Variants in KCNQ1 observed in about 807,000 individuals in gnomAD.
KCNQ1 encodes potassium voltage-gated channel subfamily Q member 1.
Under a neutral mutation model 72.4 loss-of-function variants are expected in KCNQ1, and 49 were observed. The observed-to-expected ratio is 0.68, with a 90% CI of 0.54 to 0.86. The LOEUF (loss-of-function observed/expected upper bound fraction) is 0.86, where lower values mean the gene tolerates loss of function less well. Ranked by LOEUF, KCNQ1 falls within the 40% of genes least tolerant of loss-of-function variation. The pLI, the probability that KCNQ1 is intolerant of heterozygous loss-of-function variation, is 0.00. For missense variants in KCNQ1, 790 were observed against 945.1 expected, an observed-to-expected ratio of 0.84 and a Z score of 2.15; for synonymous variants, 450 against 412.6, an observed-to-expected ratio of 1.09 and a Z score of -1.10.
chr11:2,549,840 C>T lies in KCNQ1; in HGVS notation c.478-20788C>T, dbSNP rs1847956140. Among the ~76,000 whole-genome samples the T allele has an allele frequency of 6.6e-6, 1 of 152,124 alleles. No homozygotes were observed. Among genetic ancestry groups the T allele is most frequent in the Non-Finnish European group, 1.5e-5 (1 of 68,002 alleles). On this transcript the variant is annotated intron_variant, in intron 2 of 15. Coordinates refer to ENST00000155840, the MANE Select transcript of KCNQ1 (RefSeq NM_000218.3). The surrounding 1 kb of genome is among the most constrained non-coding windows in gnomAD (Gnocchi z 6.2). Reference sequence around the variant, plus strand: ...TGACTGGCCCTGGGTGGCGGAGAGACCCCTGGGCAGGACACCCCTCCCTGG... The same window carrying T: ...TGACTGGCCCTGGGTGGCGGAGAGATCCCTGGGCAGGACACCCCTCCCTGG...
Position 2,627,055 on chromosome 11 carries a change from A to G in KCNQ1, c.1394-34906A>G. On this transcript the variant is annotated intron_variant, in intron 10 of 15. Transcript: ENST00000155840. The surrounding 1 kb of genome is among the most constrained non-coding windows in gnomAD (Gnocchi z 4.9). ...AATATTGGCCTTCCAATCCATGAAC[A>G]TAGGAGGTGTTTTCCCTTTATGTCT... 2.5e-6 allele frequency: 1 copy of G among 398,550 alleles called. No homozygotes were observed. Among genetic ancestry groups the G allele is most frequent in the Non-Finnish European group, 4.4e-6 (1 of 226,052 alleles). 24.7% of individuals were successfully genotyped at this position (398,550 alleles called of 1,614,324 possible). A position where few individuals can be genotyped will look rare whatever the true frequency, so the allele number is the denominator to read the frequency against.
At chr11:2,760,523 C>G (rs893300400) in intron 11 of KCNQ1, among the ~76,000 whole-genome samples, 1 of 152,228 alleles carries the variant, frequency 6.6e-6, no homozygotes, top group African/African-American at 2.4e-5. Context: ...CACGTCCCTT[C>G]CTCCTCTCCC....
Position 2,559,707 on chromosome 11 carries a change from T to A in KCNQ1, c.478-10921T>A, listed in dbSNP as rs144009502. Among the ~76,000 whole-genome samples the A allele has an allele frequency of 2.6e-3, 392 of 152,006 alleles. 3 individuals are homozygous for A. The highest frequency in any genetic ancestry group is 9.0e-3 in the African/African-American group (374 of 41,440). On this transcript the variant is annotated intron_variant, in intron 2 of 15. Transcript: ENST00000155840. The surrounding 1 kb of genome is among the most constrained non-coding windows in gnomAD (Gnocchi z 4.9). ...GAAAGCGGCCTCGTGCCTCCCAGAG[T>A]CACCCCGAAATCATTAACGGGGAGA... is the stretch of plus-strand genomic sequence containing the variant.
At chr11:2,610,171 T>C in intron 10 of KCNQ1, 1 of 397,978 alleles carries the variant, frequency 2.5e-6, no homozygotes, top group Non-Finnish European at 4.4e-6. Context: ...TTCAATATTC[T>C]ATTTGTTATT....
At chr11:2,476,596 A>T (rs924317270) in intron 1 of KCNQ1, among the ~76,000 whole-genome samples, 3 of 152,202 alleles carry the variant, frequency 2.0e-5, no homozygotes, top group African/African-American at 7.2e-5. Flanking sequence ...TGAGGAAAAC[A>T]ATATATATCT....
rs965183143 is a variant in KCNQ1, at chr11:2,599,460, A to G, written c.1393+10606A>G. 1.3e-5 allele frequency among the ~76,000 whole-genome samples: 2 copies of G among 152,126 alleles called. No homozygotes were observed. Among genetic ancestry groups the G allele is most frequent in the African/African-American group, 2.4e-5 (1 of 41,418 alleles). On this transcript the variant is annotated intron_variant, in intron 10 of 15. Transcript: ENST00000155840. The surrounding 1 kb of genome is among the most constrained non-coding windows in gnomAD (Gnocchi z 4.7). ...TCTGTGATGTTCTCTATCGCTTAAAATTCATTTTGTTCAAGAACATAGGTT... is the reference window on the plus strand; with the variant it reads ...TCTGTGATGTTCTCTATCGCTTAAAGTTCATTTTGTTCAAGAACATAGGTT...
At chr11:2,843,168 G>A (rs1848249208) in intron 15 of KCNQ1, among the ~76,000 whole-genome samples, 1 of 152,192 alleles carries the variant, frequency 6.6e-6, no homozygotes, top group Admixed American at 6.5e-5. Flanking sequence ...GAGAAACACG[G>A]TCGACTTTTG....
chr11:2,830,262 G>A lies in KCNQ1; in HGVS notation c.1795-17505G>A, dbSNP rs915483557. On this transcript the variant is annotated intron_variant, in intron 15 of 15. Transcript: ENST00000155840. This position sits in a 1 kb window ranked among gnomAD's most constrained non-coding sequence, Gnocchi z 7.7. ...TGGGGCTGGGGCTGTGCAGGATAAG[G>A]CCAGTGAGAGAAGAGGACTCACTGG... 1.3e-5 allele frequency among the ~76,000 whole-genome samples: 2 copies of A among 152,142 alleles called. No individual in the cohort carries two copies. The highest frequency in any genetic ancestry group is 4.1e-4 in the South Asian group (2 of 4,822).
rs1388270554 is a variant in KCNQ1 at position 2,565,205 on chromosome 11, C to T, written c.478-5423C>T. Among the ~76,000 whole-genome samples, 2 of 152,210 alleles carry T rather than the reference C, an allele frequency of 1.3e-5. No individual in the cohort carries two copies. The highest frequency in any genetic ancestry group is 2.9e-5 in the Non-Finnish European group (2 of 68,042). The stretch of plus-strand genomic sequence containing the variant: ...AGCAAAATCGAGCGGCTGGTCATTT[C>T]ACGCTTTAAAGGAGCTGTGGCATTC... On this transcript the variant is annotated intron_variant, in intron 2 of 15. Transcript: ENST00000155840. The surrounding 1 kb of genome is among the most constrained non-coding windows in gnomAD (Gnocchi z 5.6).
In KCNQ1 at chr11:2,663,613, G is replaced by A. The variant is rs531471524; in HGVS notation, c.1514+1532G>A. 18 of 398,626 alleles carry A rather than the reference G, an allele frequency of 4.5e-5. No homozygotes were observed. Among genetic ancestry groups the A allele is most frequent in the South Asian group, 2.6e-4 (2 of 7,802 alleles). 24.7% of individuals were successfully genotyped at this position (398,626 alleles called of 1,614,324 possible). A position where few individuals can be genotyped will look rare whatever the true frequency, so the allele number is the denominator to read the frequency against. On this transcript the variant is annotated intron_variant, in intron 11 of 15. Coordinates refer to ENST00000155840, the MANE Select transcript of KCNQ1 (RefSeq NM_000218.3). The surrounding 1 kb of genome is among the most constrained non-coding windows in gnomAD (Gnocchi z 5.2). Reference sequence around the variant, plus strand: ...CGCTCACCTTGGTTCTCTTGGTCACGGACCAGCATCCAGACATGCAAAAAG... The same window carrying A: ...CGCTCACCTTGGTTCTCTTGGTCACAGACCAGCATCCAGACATGCAAAAAG...
rs931991504 is a variant in KCNQ1, at chr11:2,826,146, G to C, written c.1795-21621G>C. On this transcript the variant is annotated intron_variant, in intron 15 of 15. Transcript: ENST00000155840. The surrounding 1 kb of genome is among the most constrained non-coding windows in gnomAD (Gnocchi z 4.2). ...CCAATGTCTTGAGTAATTATTGGGG[G>C]GCGGGGGCTGTCCAGCCCGCAGCAG... 6.6e-6 allele frequency among the ~76,000 whole-genome samples: 1 copy of C among 152,236 alleles called. No individual in the cohort carries two copies. The highest frequency in any genetic ancestry group is 6.5e-5 in the Admixed American group (1 of 15,290).
rs1204314324 is a variant in KCNQ1 at position 2,723,681 on chromosome 11, G to T, written c.1515-45163G>T. On this transcript the variant is annotated intron_variant, in intron 11 of 15. Coordinates refer to ENST00000155840, the MANE Select transcript of KCNQ1 (RefSeq NM_000218.3). The surrounding 1 kb of genome is among the most constrained non-coding windows in gnomAD (Gnocchi z 4.2). Reference sequence around the variant, plus strand: ...TGGCTGGGCAGGTGGACTGGTCCGAGCTGAGTGGTCTAGGATGGCCTTGCT... The same window carrying T: ...TGGCTGGGCAGGTGGACTGGTCCGATCTGAGTGGTCTAGGATGGCCTTGCT... Among the ~76,000 whole-genome samples, 3 of 152,230 alleles carry T rather than the reference G, an allele frequency of 2.0e-5. No individual in the cohort carries two copies. The highest frequency in any genetic ancestry group is 6.5e-5 in the Admixed American group (1 of 15,282).
At position 2,747,581 on chromosome 11, in the gene KCNQ1, GACCCTCAAGAAAC is replaced by G. The variant is rs140237580; in HGVS notation, c.1515-21261_1515-21249del. 4.3e-3 allele frequency among the ~76,000 whole-genome samples: 654 copies of G among 152,350 alleles called. 4 individuals are homozygous for G. The highest frequency in any genetic ancestry group is 0.015 in the African/African-American group (628 of 41,590). The stretch of plus-strand genomic sequence containing the variant: ...TGGAATACGGCCATGAGAAAGACAG[GACCCTCAAGAAAC>G]AACCTGTTCCCTGAAGGCCATAAGT... On this transcript the variant is annotated intron_variant, in intron 11 of 15. Transcript: ENST00000155840.
At chr11:2,571,928 A>G in intron 4 of KCNQ1, 85 bp from the exon 5 acceptor site, 1 of 1,098,860 alleles carries the variant, frequency 9.1e-7, no homozygotes, top group Non-Finnish European at 1.4e-6. Flanking sequence ...GGGCAGGGAC[A>G]CCCATGCCAT....
Position 2,562,781 on chromosome 11 carries a change from G to C in KCNQ1, c.478-7847G>C, listed in dbSNP as rs1452681356. 6.6e-6 allele frequency among the ~76,000 whole-genome samples: 1 copy of C among 152,190 alleles called. No homozygotes were observed. The highest frequency in any genetic ancestry group is 1.9e-4 in the East Asian group (1 of 5,192). Reference sequence around the variant, plus strand: ...CTAAGTCTATGGGGGCGCCAGGGAGGCCGGCTGTGTTTCTGCATCCTTGAC... The same window carrying C: ...CTAAGTCTATGGGGGCGCCAGGGAGCCCGGCTGTGTTTCTGCATCCTTGAC... On this transcript the variant is annotated intron_variant, in intron 2 of 15. Transcript: ENST00000155840. The surrounding 1 kb of genome is among the most constrained non-coding windows in gnomAD (Gnocchi z 7.5).
chr11:2,473,315 G>A lies in KCNQ1; in HGVS notation c.386+27831G>A, dbSNP rs1030811273. On this transcript the variant is annotated intron_variant, in intron 1 of 15. Coordinates refer to ENST00000155840, the MANE Select transcript of KCNQ1 (RefSeq NM_000218.3). The surrounding 1 kb of genome is among the most constrained non-coding windows in gnomAD (Gnocchi z 6.0). ...AAAATAGTGGTTGGGGGCTTGCTGG[G>A]GACTCAGGGAGGGTTGGGGACCTCC... is the stretch of plus-strand genomic sequence containing the variant. 2.0e-4 allele frequency among the ~76,000 whole-genome samples: 30 copies of A among 152,108 alleles called. No homozygotes were observed. Among genetic ancestry groups the A allele is most frequent in the South Asian group, 2.1e-4 (1 of 4,830 alleles).
rs1189381632 is a variant in KCNQ1, at chr11:2,704,832, G to A, written c.1514+42751G>A. On this transcript the variant is annotated intron_variant, in intron 11 of 15. Transcript: ENST00000155840. The surrounding 1 kb of genome is among the most constrained non-coding windows in gnomAD (Gnocchi z 4.3). The stretch of plus-strand genomic sequence containing the variant: ...CATCCAACAGGGGTAGCAGCCTAGT[G>A]CATGTATGACCACGAGCGAGCCCAA... Among the ~76,000 whole-genome samples, 1 of 152,158 alleles carries A rather than the reference G, an allele frequency of 6.6e-6. No homozygotes were observed. The highest frequency in any genetic ancestry group is 2.4e-5 in the African/African-American group (1 of 41,406).
At position 2,617,677 on chromosome 11, in the gene KCNQ1, C is replaced by T. The variant is rs878983279; in HGVS notation, c.1393+28823C>T. The T allele has an allele frequency of 1.8e-5, 7 of 398,376 alleles. No homozygotes were observed. The highest frequency in any genetic ancestry group is 1.3e-4 in the Admixed American group (3 of 22,706). 24.7% of individuals were successfully genotyped at this position (398,376 alleles called of 1,614,324 possible). ...TGACTGCACCAATCTACAGTCCCAC[C>T]AACACTGTACAAGAGTTCCCTAACC... On this transcript the variant is annotated intron_variant, in intron 10 of 15. Transcript: ENST00000155840. The surrounding 1 kb of genome is among the most constrained non-coding windows in gnomAD (Gnocchi z 4.6).
At chr11:2,834,623 T>C (rs1328808460) in intron 15 of KCNQ1, among the ~76,000 whole-genome samples, 1 of 152,160 alleles carries the variant, frequency 6.6e-6, no homozygotes, top group East Asian at 1.9e-4. Flanking sequence ...AGGGAGGCGC[T>C]TGATGTCGGA....
Sources: allele counts gnomAD v4.1 joint callset (sites outside exome capture counted in the v4.1 genomes callset), GRCh38; gene constraint gnomAD v4.1.1; non-coding constraint Gnocchi (gnomAD v3.1); transcripts MANE v1.5; gene names NCBI Gene and HGNC (gene_info 2026-07-23, HGNC 2026-07-21).